Variants in SLIT2 observed in about 807,000 individuals in gnomAD.
The protein encoded by SLIT2 is slit guidance ligand 2, also known as slit homolog 2 protein.
In SLIT2, 41 loss-of-function variants were observed where a neutral mutation model predicts 185.7. The observed-to-expected ratio is 0.22, with a 90% CI of 0.17 to 0.29. SLIT2 has a LOEUF of 0.29. Among genes scored for constraint, SLIT2 ranks in the 10% least tolerant of loss-of-function variants. The pLI is 1.00. For synonymous variants in SLIT2, 693 were observed against 680.2 expected (o/e 1.02, Z -0.29); for missense variants, 1,571 against 1,909.0 (o/e 0.82, Z 3.30).
At chr4:20,461,110 A>G (rs1404816403) in intron 4 of SLIT2, among the ~76,000 whole-genome samples, 2 of 152,216 alleles carry the variant, frequency 1.3e-5, no homozygotes, top group African/African-American at 2.4e-5. Context: ...AGATTTTAGC[A>G]CTAGGCTCAG....
At chr4:20,567,848 A>T (rs1725236201) in intron 28 of SLIT2, among the ~76,000 whole-genome samples, 2 of 152,024 alleles carry the variant, frequency 1.3e-5, no homozygotes, top group African/African-American at 4.8e-5. Context: ...AAACATACAC[A>T]TGTGCACATT....
intron 12 of SLIT2, among the ~76,000 whole-genome samples, chr4:20,521,652 G>C (rs953060340): frequency 4.6e-5 from 7 of 152,226 alleles, no homozygotes; most frequent in African/African-American, 1.4e-4. Flanking sequence ...ATCAGCCCCT[G>C]TCACCCACCA....
intron 4 of SLIT2, among the ~76,000 whole-genome samples, chr4:20,341,228 G>T (rs931095014): frequency 6.6e-6 from 1 of 152,226 alleles, no homozygotes; most frequent in Non-Finnish European, 1.5e-5. Flanking sequence ...TAGCAAAGGA[G>T]AGCTGAAGGA....
intron 3 of SLIT2, among the ~76,000 whole-genome samples, chr4:20,259,020 A>G (rs1712158233): frequency 6.6e-6 from 1 of 151,722 alleles, no homozygotes; most frequent in Non-Finnish European, 1.5e-5. Context: ...CTATATTTTT[A>G]TCACCTCAAG....
intron 22 of SLIT2, among the ~76,000 whole-genome samples, chr4:20,548,027 A>G (rs1470902577): frequency 6.6e-6 from 1 of 152,094 alleles, no homozygotes; most frequent in Non-Finnish European, 1.5e-5. Context: ...ATCAGTGAAC[A>G]TATGTATCAA....
At chr4:20,429,572 C>T (rs139923954) in intron 4 of SLIT2, among the ~76,000 whole-genome samples, 1 of 152,074 alleles carries the variant, frequency 6.6e-6, no homozygotes, top group East Asian at 1.9e-4. Context: ...TTTCAGATAA[C>T]AGGAAGTAAC....
At chr4:20,322,260 T>A (rs1719159979) in intron 4 of SLIT2, among the ~76,000 whole-genome samples, 1 of 152,194 alleles carries the variant, frequency 6.6e-6, no homozygotes, top group Admixed American at 6.5e-5. Flanking sequence ...TCTGATGACA[T>A]GTGCCCAAGG....
intron 25 of SLIT2, chr4:20,552,588 T>C (rs1371119014): frequency 6.6e-6 from 1 of 152,064 alleles, no homozygotes; most frequent in Non-Finnish European, 1.5e-5. Flanking sequence ...AAAAACATCA[T>C]TTTGCTCATT....
intron 4 of SLIT2, among the ~76,000 whole-genome samples, chr4:20,351,681 A>G (rs1028775906): frequency 7.9e-5 from 12 of 152,134 alleles, no homozygotes; most frequent in African/African-American, 2.9e-4. Context: ...GGAAGAGTGG[A>G]TGGGCAGTCC....
intron 4 of SLIT2, among the ~76,000 whole-genome samples, chr4:20,440,529 T>TA (rs35114187): frequency 1.3e-4 from 19 of 150,320 alleles, no homozygotes; most frequent in South Asian, 1.1e-3. Flanking sequence ...TATACGGCCC[T>TA]AAAAAAAAAG....
intron 4 of SLIT2, among the ~76,000 whole-genome samples, chr4:20,462,629 A>G (rs576853528): frequency 9.7e-4 from 147 of 152,322 alleles, no homozygotes; most frequent in Middle Eastern, 3.4e-3. Flanking sequence ...TGACACACTG[A>G]TAACAGCTGT....
At chr4:20,523,674 G>A (rs1485381543) in intron 12 of SLIT2, 86 bp from the exon 13 acceptor site, 1 of 1,059,806 alleles carries the variant, frequency 9.4e-7, no homozygotes, top group Non-Finnish European at 1.4e-6. Flanking sequence ...TATATTTCTT[G>A]ACTGGGTTTC....
Position 20,342,929 on chromosome 4 carries a change from C to A in SLIT2, c.395+74048C>A, listed in dbSNP as rs574179375. ...TTTTCTTTCTTTTCTTTCTTTTTTT[C>A]TTTCATTCTTTCTTTTTTCCATTAT... On this transcript the variant is annotated intron_variant, in intron 4 of 36. Coordinates refer to ENST00000504154, the MANE Select transcript of SLIT2 (RefSeq NM_004787.4). Among the ~76,000 whole-genome samples, 15 of 150,996 alleles carry A rather than the reference C, an allele frequency of 9.9e-5. No homozygotes were observed. The East Asian group carries it at 2.9e-3, about 29-fold the overall frequency.
At chr4:20,546,184 C>G in intron 22 of SLIT2, 85 bp downstream of exon 22, 2 of 682,712 alleles carry the variant, frequency 2.9e-6, no homozygotes, top group East Asian at 5.7e-5. Context: ...AGTGAACCTT[C>G]CAGATAATAC....
At chr4:20,472,248 A>ATATATAGATATATATC (rs1715148584) in intron 5 of SLIT2, among the ~76,000 whole-genome samples, 1 of 38,704 alleles carries the variant, frequency 2.6e-5, no homozygotes, top group Non-Finnish European at 4.6e-5. Flanking sequence ...CTATATATCT[A>ATATATAGATATATATC]TATATAGATC....
chr4:20,340,392 A>G (rs1477191510), intron 4 of SLIT2, among the ~76,000 whole-genome samples: 1 of 152,136 alleles, frequency 6.6e-6, no homozygotes, highest in Non-Finnish European at 1.5e-5. Flanking sequence ...ACCATTCTTC[A>G]TTTATGTATT....
At chr4:20,427,308 T>A (rs1728632222) in intron 4 of SLIT2, among the ~76,000 whole-genome samples, 1 of 152,172 alleles carries the variant, frequency 6.6e-6, no homozygotes, top group South Asian at 2.1e-4. Flanking sequence ...ATATAAAACA[T>A]TAAGAGTATG....
intron 4 of SLIT2, among the ~76,000 whole-genome samples, chr4:20,385,752 A>G (rs752232793): frequency 2.6e-5 from 4 of 152,164 alleles, no homozygotes; most frequent in Non-Finnish European, 5.9e-5. Context: ...GATTCTTGTC[A>G]TTACACTGTG....
chr4:20,270,558 G>A (rs1434341200), intron 4 of SLIT2, among the ~76,000 whole-genome samples: 1 of 151,988 alleles, frequency 6.6e-6, no homozygotes, highest in Non-Finnish European at 1.5e-5. Context: ...TTAAATGCGT[G>A]TTGGAAAATG....
Sources: gnomAD v4.1 joint callset for allele counts (sites outside exome capture counted in the v4.1 genomes callset) on GRCh38, gnomAD v4.1.1 for gene constraint, MANE v1.5 for transcripts, NCBI Gene and HGNC (gene_info 2026-07-23, HGNC 2026-07-21) for gene names.